Variants in NRG3 observed in about 807,000 individuals in gnomAD.
The protein encoded by NRG3 is neuregulin 3, also known as pro-neuregulin-3, membrane-bound isoform.
NRG3 carries 31 observed loss-of-function variants against 66.9 expected under a neutral mutation model. The ratio of observed to expected loss-of-function variants is 0.46; its 90% confidence interval spans 0.35 to 0.63. The LOEUF is 0.63. Among genes scored for constraint, NRG3 ranks in the 20% least tolerant of loss-of-function variants. The pLI is 0.00. For synonymous variants in NRG3, 393 were observed against 359.4 expected, an observed-to-expected ratio of 1.09 and a Z score of -1.06; for missense variants, 910 against 878.9, an observed-to-expected ratio of 1.04 and a Z score of -0.45.
At chr10:81,879,148 C>T (rs1039168695) in intron 1 of NRG3, among the ~76,000 whole-genome samples, 2 of 152,190 alleles carry the variant, frequency 1.3e-5, no homozygotes, top group African/African-American at 4.8e-5. Flanking sequence ...AAACTTTCTT[C>T]AGCGTTCCTG....
At chr10:82,558,903 T>A (rs985724581) in intron 2 of NRG3, among the ~76,000 whole-genome samples, 2 of 152,164 alleles carry the variant, frequency 1.3e-5, no homozygotes, top group African/African-American at 4.8e-5. Flanking sequence ...GAAAGTGCTC[T>A]ATTTTTTGAT....
chr10:82,732,754 G>T (rs996850803), intron 2 of NRG3, among the ~76,000 whole-genome samples: 1 of 152,162 alleles, frequency 6.6e-6, no homozygotes, highest in African/African-American at 2.4e-5. Context: ...GCACAAAAAG[G>T]CAGAGCAGCC....
chr10:82,658,846 C>A (rs1297353673), intron 2 of NRG3, among the ~76,000 whole-genome samples: 1 of 152,056 alleles, frequency 6.6e-6, no homozygotes, highest in Non-Finnish European at 1.5e-5. Flanking sequence ...CTAGATAAAA[C>A]TGTTAAGGGA....
At chr10:81,933,107 CAAA>C (rs769607380) in intron 1 of NRG3, among the ~76,000 whole-genome samples, 2 of 59,516 alleles carry the variant, frequency 3.4e-5, no homozygotes, top group Non-Finnish European at 7.7e-5. Context: ...CGCTCCATCT[CAAA>C]AAAAAAAAAA....
At chr10:82,126,791 A>G (rs568618510) in intron 1 of NRG3, among the ~76,000 whole-genome samples, 2 of 152,112 alleles carry the variant, frequency 1.3e-5, no homozygotes, top group Non-Finnish European at 2.9e-5. Flanking sequence ...CAACCTGCGT[A>G]AGTTCTTTGC....
intron 2 of NRG3, among the ~76,000 whole-genome samples, chr10:82,456,137 CTTTTT>C (rs147759240): frequency 3.3e-4 from 29 of 88,802 alleles, no homozygotes; most frequent in African/African-American, 1.1e-3. Flanking sequence ...TTTTCTGTCA[CTTTTT>C]TTTTTTTTTT....
At chr10:81,974,485 G>T (rs1172089988) in intron 1 of NRG3, among the ~76,000 whole-genome samples, 1 of 152,050 alleles carries the variant, frequency 6.6e-6, no homozygotes, top group Non-Finnish European at 1.5e-5. Flanking sequence ...ACAAAGAGAT[G>T]GGAAAGCAGC....
intron 1 of NRG3, among the ~76,000 whole-genome samples, chr10:82,164,636 AGCAGGGGG>A (rs1306336547): frequency 5.9e-5 from 9 of 152,206 alleles, no homozygotes; most frequent in Non-Finnish European, 1.2e-4. Flanking sequence ...GAGTGCAAGT[AGCAGGGGG>A]GAGATTTGGA....
At chr10:82,016,701 C>A (rs3903435) in intron 1 of NRG3, among the ~76,000 whole-genome samples, 80,246 of 151,788 alleles carry the variant, frequency 0.53, 21,333 homozygotes, top group Admixed American at 0.63. Context: ...ATGAGGTCTG[C>A]GACTAGGCAA....
chr10:82,737,448 G>A (rs1023167713), intron 2 of NRG3, among the ~76,000 whole-genome samples: 4 of 152,118 alleles, frequency 2.6e-5, no homozygotes, highest in Admixed American at 1.3e-4. Flanking sequence ...CACGACGCAT[G>A]GTTCCTGTCT....
At chr10:82,916,881 G>T (rs1239749046) in intron 4 of NRG3, among the ~76,000 whole-genome samples, 1 of 152,176 alleles carries the variant, frequency 6.6e-6, no homozygotes, top group African/African-American at 2.4e-5. Context: ...CTCCCAAAGT[G>T]CTGGGATTAC....
intron 1 of NRG3, among the ~76,000 whole-genome samples, chr10:82,222,645 G>C (rs548941218): frequency 6.6e-6 from 1 of 150,890 alleles, no homozygotes; most frequent in East Asian, 2.0e-4. Context: ...GAATTGTTTG[G>C]GTTCTCCTTT....
chr10:82,533,493 C>G (rs1260451449), intron 2 of NRG3, among the ~76,000 whole-genome samples: 1 of 147,376 alleles, frequency 6.8e-6, no homozygotes, highest in Non-Finnish European at 1.5e-5. Flanking sequence ...GGTCCAATTT[C>G]CTTCTTTTGC....
At chr10:82,743,427 C>T (rs2058513570) in intron 3 of NRG3, among the ~76,000 whole-genome samples, 1 of 152,094 alleles carries the variant, frequency 6.6e-6, no homozygotes, top group African/African-American at 2.4e-5. Context: ...TTCCCATCAG[C>T]CCACTGGGTT....
At chr10:81,931,446 G>A (rs944761010) in intron 1 of NRG3, among the ~76,000 whole-genome samples, 1 of 152,078 alleles carries the variant, frequency 6.6e-6, no homozygotes, top group Admixed American at 6.6e-5. Flanking sequence ...AAGAGATGGG[G>A]GATTCAATTT....
rs528062090 is a variant in NRG3, at chr10:81,883,561, T to A, written c.823+7398T>A. 2.0e-5 allele frequency among the ~76,000 whole-genome samples: 3 copies of A among 152,296 alleles called. No individual in the cohort carries two copies. In the East Asian group the frequency reaches 5.8e-4, roughly 29 times the overall value. ...GATAGTGTGTATCATGGATGCAATATAGGCCATACGAACATTTTTTTAAAG... is the reference window on the plus strand; with the variant it reads ...GATAGTGTGTATCATGGATGCAATAAAGGCCATACGAACATTTTTTTAAAG... On this transcript the variant is annotated intron_variant, in intron 1 of 8. Coordinates refer to ENST00000372141, the MANE Select transcript of NRG3 (RefSeq NM_001010848.4).
At chr10:82,676,677 T>G (rs2134083540) in intron 2 of NRG3, among the ~76,000 whole-genome samples, 1 of 152,010 alleles carries the variant, frequency 6.6e-6, no homozygotes, top group Non-Finnish European at 1.5e-5. Flanking sequence ...AGAGACAGAG[T>G]TTTGCCATGT....
chr10:82,329,460 G>GA (rs920289733), intron 1 of NRG3, among the ~76,000 whole-genome samples: 5 of 126,182 alleles, frequency 4.0e-5, no homozygotes, highest in East Asian at 4.8e-4. Flanking sequence ...TTTTTTTAAA[G>GA]AAAAAAAAGA....
chr10:82,179,286 C>G (rs2073252731), intron 1 of NRG3, among the ~76,000 whole-genome samples: 1 of 151,736 alleles, frequency 6.6e-6, no homozygotes, highest in Non-Finnish European at 1.5e-5. Flanking sequence ...CTTTTGTTGT[C>G]TATTCTTTCG....
Sources: allele counts gnomAD v4.1 joint callset (sites outside exome capture counted in the v4.1 genomes callset), GRCh38; gene constraint gnomAD v4.1.1; transcripts MANE v1.5; gene names NCBI Gene and HGNC (gene_info 2026-07-23, HGNC 2026-07-21).